Variants in LOC400499 observed in about 807,000 individuals in gnomAD.
chr16:11,442,661 A>G, the LOC400499 span: 1 of 152,240 alleles, frequency 6.6e-6, no homozygotes, highest in East Asian at 1.9e-4. Flanking sequence ...TCTTATAAAC[A>G]CTGGAAATCT....
chr16:11,375,542 A>G, the LOC400499 span, among the ~76,000 whole-genome samples: 12,291 of 131,308 alleles, frequency 0.094, 867 homozygotes, highest in Middle Eastern at 0.2. Flanking sequence ...CGAACTCCTG[A>G]CCTCAAGTGA....
the LOC400499 span, chr16:11,462,284 G>A: frequency 6.6e-7 from 1 of 1,507,194 alleles, no homozygotes; most frequent in Non-Finnish European, 8.9e-7. Context: ...ACCCATGGCT[G>A]GCTGCAGGTC....
At chr16:11,402,262 C>A in the LOC400499 span, 1 of 398,408 alleles carries the variant, frequency 2.5e-6, no homozygotes, top group Non-Finnish European at 4.4e-6. Flanking sequence ...ACTGCCAGCT[C>A]ACGCAAATGG....
At chr16:11,426,611 A>C in the LOC400499 span, among the ~76,000 whole-genome samples, 1 of 151,992 alleles carries the variant, frequency 6.6e-6, no homozygotes, top group African/African-American at 2.4e-5. Context: ...GCAATAAGAA[A>C]AAAAAAAACC....
At chr16:11,416,534 C>T in the LOC400499 span, among the ~76,000 whole-genome samples, 144 of 152,282 alleles carry the variant, frequency 9.5e-4, 2 homozygotes, top group African/African-American at 3.1e-3. Context: ...CACCCTACGG[C>T]GAAGCAGACA....
chr16:11,460,445 C>G, the LOC400499 span: 424,507 of 1,502,766 alleles, frequency 0.28, 62,455 homozygotes, highest in Admixed American at 0.51. Flanking sequence ...CTAGTGCTCT[C>G]TCCGGATGTC....
chr16:11,517,966 C>T, the LOC400499 span, among the ~76,000 whole-genome samples: 1 of 152,214 alleles, frequency 6.6e-6, no homozygotes, highest in South Asian at 2.1e-4. Context: ...AGCGGTCACT[C>T]TCCAGCTCCA....
the LOC400499 span, among the ~76,000 whole-genome samples, chr16:11,413,888 A>G: frequency 6.6e-6 from 1 of 152,204 alleles, no homozygotes; most frequent in Admixed American, 6.5e-5. Context: ...GAATTTGCCC[A>G]AGGCCACACA....
the LOC400499 span, among the ~76,000 whole-genome samples, chr16:11,482,279 G>T: frequency 6.6e-6 from 1 of 152,186 alleles, no homozygotes; most frequent in African/African-American, 2.4e-5. Context: ...TGAGCCAGGG[G>T]ACTCCCTGAA....
chr16:11,475,806 G>C, the LOC400499 span: 1 of 394,000 alleles, frequency 2.5e-6, no homozygotes, highest in Non-Finnish European at 4.5e-6. Context: ...TTGGCACAGG[G>C]GCAAATTCTA....
At chr16:11,476,821 C>A in the LOC400499 span, 1 of 399,332 alleles carries the variant, frequency 2.5e-6, no homozygotes. Flanking sequence ...CTTAAGGACC[C>A]GGCCCTTCTG....
the LOC400499 span, among the ~76,000 whole-genome samples, chr16:11,465,086 T>C: frequency 9.9e-5 from 15 of 152,198 alleles, no homozygotes; most frequent in African/African-American, 3.4e-4. Flanking sequence ...CACTGGAAAC[T>C]GAGGCAGAAT....
chr16:11,383,546 T>G, the LOC400499 span: 1 of 1,181,640 alleles, frequency 8.5e-7, no homozygotes, highest in Non-Finnish European at 1.1e-6. Context: ...TGACAATTAT[T>G]TGTCCTCCCT....
chr16:11,527,298 G>A, the LOC400499 span, among the ~76,000 whole-genome samples: 1 of 152,268 alleles, frequency 6.6e-6, no homozygotes, highest in Middle Eastern at 3.4e-3. Context: ...CAGCCCAGGA[G>A]GGTAGAAGGG....
chr16:11,425,729 CA>C, the LOC400499 span, among the ~76,000 whole-genome samples: 1 of 152,114 alleles, frequency 6.6e-6, no homozygotes, highest in Admixed American at 6.6e-5. Flanking sequence ...AAAACTCCCA[CA>C]AAGAACGCTC....
the LOC400499 span, among the ~76,000 whole-genome samples, chr16:11,488,238 T>G: frequency 6.6e-6 from 1 of 152,286 alleles, no homozygotes; most frequent in Admixed American, 6.5e-5. Flanking sequence ...GATAGACAAT[T>G]TCCTCTTTAA....
the LOC400499 span, chr16:11,488,701 G>A: frequency 1.0e-5 from 4 of 398,816 alleles, no homozygotes; most frequent in African/African-American, 4.1e-5. Context: ...TGCCCAGGAT[G>A]GCCATACCTG....
chr16:11,405,593 G>T, the LOC400499 span, among the ~76,000 whole-genome samples: 2 of 152,162 alleles, frequency 1.3e-5, no homozygotes, highest in Non-Finnish European at 2.9e-5. Flanking sequence ...CAGTCCGAGG[G>T]TGACTTGAGG....
At chr16:11,392,227 C>A in the LOC400499 span, 1 of 399,076 alleles carries the variant, frequency 2.5e-6, no homozygotes, top group Non-Finnish European at 4.4e-6. Flanking sequence ...CACAGCTGGA[C>A]CCCAAGGGCT....
Sources: allele counts gnomAD v4.1 joint callset (sites outside exome capture counted in the v4.1 genomes callset), GRCh38; gene constraint gnomAD v4.1.1; transcripts MANE v1.5.